Variants in KLRD1 observed in about 807,000 individuals in gnomAD.
KLRD1 encodes killer cell lectin like receptor D1.
KLRD1 carries 21 observed loss-of-function variants against 22.6 expected under a neutral mutation model. That is an observed-to-expected ratio of 0.93 (90% CI 0.66 to 1.34). The LOEUF is 1.34. KLRD1 is among the 40% of genes most tolerant of loss of function. The probability of loss-of-function intolerance (pLI) is 0.00; values close to 1 mark genes in which losing one functional copy is unlikely to be tolerated. For missense variants in KLRD1, 183 were observed against 208.6 expected (o/e 0.88, Z 0.76); for synonymous variants, 59 against 71.1 (o/e 0.83, Z 0.85).
chr12:10,269,885 A>G (rs1038716876), intron 1 of KLRD1, among the ~76,000 whole-genome samples: 3 of 152,170 alleles, frequency 2.0e-5, no homozygotes, highest in Non-Finnish European at 2.9e-5. Flanking sequence ...AGTGCAAGCA[A>G]TATGCAGATT....
At chr12:10,242,607 A>C (rs574019962) in intron 1 of KLRD1, among the ~76,000 whole-genome samples, 1 of 152,288 alleles carries the variant, frequency 6.6e-6, no homozygotes, top group African/African-American at 2.4e-5. Context: ...TTTTTTGAGG[A>C]GCTTTCATAC....
In KLRD1 at chr12:10,327,673, C is replaced by T. The variant is rs1950373301; in HGVS notation, c.*12880C>T. The T allele has an allele frequency of 6.6e-6, 1 of 152,020 alleles. No homozygotes were observed. The highest frequency in any genetic ancestry group is 6.6e-5 in the Admixed American group (1 of 15,244). 9.4% of individuals were successfully genotyped at this position (152,020 alleles called of 1,614,324 possible). A position where few individuals can be genotyped will look rare whatever the true frequency, so the allele number is the denominator to read the frequency against. Reference sequence around the variant, plus strand: ...ATCTGTATGTTGTTAATTTCTTTTCCTTGCCTAAGAGCTTTAAGTAGGACA... The same window carrying T: ...ATCTGTATGTTGTTAATTTCTTTTCTTTGCCTAAGAGCTTTAAGTAGGACA... On this transcript the variant is annotated 3_prime_UTR_variant, in exon 6 of 6. Transcript: ENST00000336164.
Position 10,314,945 on chromosome 12 carries a change from A to G in KLRD1, c.*152A>G, listed in dbSNP as rs1380947693. The G allele has an allele frequency of 3.3e-6, 2 of 601,546 alleles. No individual in the cohort carries two copies. The highest frequency in any genetic ancestry group is 4.9e-5 in the South Asian group (2 of 40,522). 37.3% of individuals were successfully genotyped at this position (601,546 alleles called of 1,614,324 possible). A position where few individuals can be genotyped will look rare whatever the true frequency, so the allele number is the denominator to read the frequency against. ...ATACAATTGTCATGTATGTGAAACA[A>G]TGTGTTTTAAAATTGATGAAATTCG... On this transcript the variant is annotated 3_prime_UTR_variant, in exon 6 of 6. Transcript: ENST00000336164.
At chr12:10,298,027 C>T (rs1314397895) in intron 1 of KLRD1, among the ~76,000 whole-genome samples, 1 of 152,152 alleles carries the variant, frequency 6.6e-6, no homozygotes, top group Non-Finnish European at 1.5e-5. Context: ...TATTGTGCAG[C>T]ACACTTTTAT....
intron 1 of KLRD1, among the ~76,000 whole-genome samples, chr12:10,264,425 A>C (rs548081793): frequency 8.5e-5 from 13 of 152,194 alleles, no homozygotes; most frequent in Non-Finnish European, 1.8e-4. Flanking sequence ...AGTGTTCTCA[A>C]ACATTACCAA....
At position 10,251,081 on chromosome 12, in the gene KLRD1, A is replaced by G. The variant is rs899022653; in HGVS notation, c.-101+24848A>G. 2.6e-5 allele frequency among the ~76,000 whole-genome samples: 4 copies of G among 152,250 alleles called. 1 individual carries two copies. The East Asian group carries it at 7.7e-4, about 29-fold the overall frequency. ...CATTAACTACAGATGTTAACATACT[A>G]ACCTTTCACTCTGGAGTTTGGGACA... On this transcript the variant is annotated intron_variant, in intron 1 of 5. Coordinates refer to the KLRD1 transcript ENST00000544747.
At chr12:10,314,556 C>A in intron 5 of KLRD1, 117 bp from the exon 6 acceptor site, 2 of 822,518 alleles carry the variant, frequency 2.4e-6, no homozygotes, top group Non-Finnish European at 3.5e-6. Context: ...AAAAAAAGGA[C>A]TCAATATGTT....
chr12:10,266,173 G>A (rs1399101172), intron 1 of KLRD1, among the ~76,000 whole-genome samples: 1 of 151,960 alleles, frequency 6.6e-6, no homozygotes, highest in East Asian at 1.9e-4. Context: ...GACTTAATTA[G>A]GTAAATTTAT....
At position 10,327,877 on chromosome 12, in the gene KLRD1, T is replaced by C. The variant is rs916729418; in HGVS notation, c.*13084T>C. On this transcript the variant is annotated 3_prime_UTR_variant, in exon 6 of 6. Transcript: ENST00000336164. ...AGGAGTTATCATCATAAAATGGGTA[T>C]TAAATTTTGTGAAAACTTTTTTTCT... 21 of 152,176 alleles carry C rather than the reference T, an allele frequency of 1.4e-4. No homozygotes were observed. The highest frequency in any genetic ancestry group is 5.1e-4 in the African/African-American group (21 of 41,458). The allele number at this position is 152,176 out of a possible 1,614,324, so 9.4% of individuals were successfully genotyped here.
upstream of KLRD1, among the ~76,000 whole-genome samples, chr12:10,302,634 G>C (rs2137678327): frequency 6.6e-6 from 1 of 152,240 alleles, no homozygotes; most frequent in African/African-American, 2.4e-5. Context: ...AATGGGTGTT[G>C]CTGATTGGTT....
chr12:10,266,923 C>T (rs1363473875), intron 1 of KLRD1, among the ~76,000 whole-genome samples: 1 of 140,176 alleles, frequency 7.1e-6, no homozygotes, highest in Admixed American at 7.2e-5. Context: ...CTTGATTTTA[C>T]ACTTTGGTTT....
intron 1 of KLRD1, among the ~76,000 whole-genome samples, chr12:10,276,348 G>T (rs1949591995): frequency 6.6e-6 from 1 of 152,018 alleles, no homozygotes; most frequent in African/African-American, 2.4e-5. Context: ...CGGTATATGG[G>T]TATAAATGTT....
intron 1 of KLRD1, among the ~76,000 whole-genome samples, chr12:10,269,683 A>G (rs1949531636): frequency 6.6e-6 from 1 of 152,160 alleles, no homozygotes. Flanking sequence ...TCACTTTGAG[A>G]TTAGAATTGG....
At chr12:10,284,848 G>A (rs927941735) in intron 1 of KLRD1, among the ~76,000 whole-genome samples, 3 of 152,100 alleles carry the variant, frequency 2.0e-5, no homozygotes, top group African/African-American at 7.2e-5. Context: ...GGGCATGGTG[G>A]TGCATGCCTG....
intron 1 of KLRD1, among the ~76,000 whole-genome samples, chr12:10,257,696 G>A (rs1949412715): frequency 6.6e-6 from 1 of 150,658 alleles, no homozygotes; most frequent in Non-Finnish European, 1.5e-5. Context: ...TGAAGTCTTA[G>A]TCTACTGATC....
intron 1 of KLRD1, among the ~76,000 whole-genome samples, chr12:10,276,124 A>T (rs1949589875): frequency 6.6e-6 from 1 of 152,048 alleles, no homozygotes; most frequent in African/African-American, 2.4e-5. Context: ...TTGTGTATGT[A>T]ATTTCTTTGT....
rs1268990430 is a variant in KLRD1 at position 10,326,189 on chromosome 12, C to A, written c.*11396C>A. ...TTTTTAATATTGAGTTGTAGGAGTT[C>A]TTTATATGTTTTGGATATTGACTCC... On this transcript the variant is annotated 3_prime_UTR_variant, in exon 6 of 6. Coordinates refer to ENST00000336164, the MANE Select transcript of KLRD1 (RefSeq NM_002262.5). The A allele has an allele frequency of 6.6e-6, 1 of 151,586 alleles. No homozygotes were observed. Among genetic ancestry groups the A allele is most frequent in the East Asian group, 1.9e-4 (1 of 5,178 alleles). 9.4% of individuals were successfully genotyped at this position (151,586 alleles called of 1,614,324 possible).
At chr12:10,241,158 T>C (rs1203050103) in intron 1 of KLRD1, among the ~76,000 whole-genome samples, 1 of 152,160 alleles carries the variant, frequency 6.6e-6, no homozygotes, top group Non-Finnish European at 1.5e-5. Context: ...GGTCCCTTAA[T>C]TCATGACACA....
chr12:10,256,770 T>G (rs1949400293), intron 1 of KLRD1, among the ~76,000 whole-genome samples: 2 of 152,200 alleles, frequency 1.3e-5, no homozygotes, highest in South Asian at 2.1e-4. Context: ...TATATTTCGC[T>G]GATGCATTTA....
Sources: allele counts gnomAD v4.1 joint callset (sites outside exome capture counted in the v4.1 genomes callset), GRCh38; gene constraint gnomAD v4.1.1; transcripts MANE v1.5; gene names NCBI Gene and HGNC (gene_info 2026-07-23, HGNC 2026-07-21).